ZMYND8: variants seen among roughly 807,000 people sequenced by gnomAD.
ZMYND8 encodes MYND-type zinc finger-containing chromatin reader ZMYND8.
Under a neutral mutation model 140.8 loss-of-function variants are expected in ZMYND8, and 37 were observed. That is an observed-to-expected ratio of 0.26 (90% CI 0.20 to 0.35). The LOEUF is 0.35. Ranked by LOEUF, ZMYND8 falls within the 10% of genes least tolerant of loss-of-function variation. The pLI is 1.00. For synonymous variants in ZMYND8, 592 were observed against 597.1 expected (o/e 0.99, Z 0.12); for missense variants, 1,068 against 1,570.0 (o/e 0.68, Z 5.40).
chr20:47,310,570 G>A (rs1431533628), intron 2 of ZMYND8, among the ~76,000 whole-genome samples: 1 of 151,846 alleles, frequency 6.6e-6, no homozygotes, highest in African/African-American at 2.4e-5. Context: ...GGCCAAAGTG[G>A]GCAGATCACA....
intron 3 of ZMYND8, among the ~76,000 whole-genome samples, chr20:47,303,369 A>T (rs1220597628): frequency 2.0e-5 from 3 of 152,162 alleles, no homozygotes; most frequent in Non-Finnish European, 4.4e-5. Flanking sequence ...CCGTATTTTC[A>T]GTATCTGACT....
At chr20:47,338,669 T>A (rs533320189) in intron 2 of ZMYND8, among the ~76,000 whole-genome samples, 1 of 152,158 alleles carries the variant, frequency 6.6e-6, no homozygotes, top group East Asian at 1.9e-4. Flanking sequence ...CCACCGCCAC[T>A]CACTATGGGG....
chr20:47,302,436 G>C (rs1307515684), intron 3 of ZMYND8, among the ~76,000 whole-genome samples: 1 of 152,118 alleles, frequency 6.6e-6, no homozygotes, highest in Admixed American at 6.5e-5. Flanking sequence ...CAGCCTGAGC[G>C]AAAGAGCGAG....
At chr20:47,214,444 A>C (rs912082328) in intron 21 of ZMYND8, among the ~76,000 whole-genome samples, 1 of 152,230 alleles carries the variant, frequency 6.6e-6, no homozygotes, top group East Asian at 1.9e-4. Context: ...TGGCGCTCTC[A>C]CTGTGCTGAT....
intron 17 of ZMYND8, among the ~76,000 whole-genome samples, 156 bp downstream of exon 17, chr20:47,229,570 A>G (rs975482057): frequency 1.3e-5 from 2 of 152,194 alleles, no homozygotes; most frequent in African/African-American, 4.8e-5. Context: ...GCTAAAGGAA[A>G]AAATACCCCC....
At chr20:47,223,509 A>G (rs2037282792) in intron 19 of ZMYND8, among the ~76,000 whole-genome samples, 1 of 151,180 alleles carries the variant, frequency 6.6e-6, no homozygotes, top group Non-Finnish European at 1.5e-5. Context: ...CTGTCTCAAA[A>G]TAATAATAAT....
chr20:47,249,895 C>G (rs1255421551), intron 12 of ZMYND8, among the ~76,000 whole-genome samples: 2 of 152,158 alleles, frequency 1.3e-5, no homozygotes, highest in Non-Finnish European at 2.9e-5. Flanking sequence ...CTCGAAAACA[C>G]CCTGATAATT....
chr20:47,215,655 G>A (rs952462499), intron 21 of ZMYND8, among the ~76,000 whole-genome samples: 3 of 152,048 alleles, frequency 2.0e-5, no homozygotes, highest in African/African-American at 7.2e-5. Flanking sequence ...GACTACAGGT[G>A]GGCCCTAGCT....
intron 21 of ZMYND8, among the ~76,000 whole-genome samples, chr20:47,219,351 C>T (rs752223512): frequency 5.9e-5 from 9 of 151,656 alleles, no homozygotes; most frequent in African/African-American, 1.2e-4. Flanking sequence ...CCACTGCGCC[C>T]GGCCTACCAA....
At chr20:47,212,547 C>T in intron 22 of ZMYND8, 95 bp downstream of exon 22, 2 of 1,396,114 alleles carry the variant, frequency 1.4e-6, no homozygotes, top group African/African-American at 1.4e-5. Context: ...GAAGACACAC[C>T]CACAAAGGAA....
intron 11 of ZMYND8, among the ~76,000 whole-genome samples, chr20:47,268,293 T>G (rs1273178613): frequency 7.1e-6 from 1 of 140,936 alleles, no homozygotes; most frequent in Non-Finnish European, 1.5e-5. Context: ...CCCGTCTCTT[T>G]TTTTTTTTTT....
chr20:47,223,534 T>C (rs2037287491), intron 19 of ZMYND8, among the ~76,000 whole-genome samples: 1 of 147,550 alleles, frequency 6.8e-6, no homozygotes, highest in African/African-American at 2.5e-5. Context: ...ATTCATAAAA[T>C]ATTATTGATG....
intron 21 of ZMYND8, among the ~76,000 whole-genome samples, chr20:47,213,362 AAAGT>A (rs1477333655): frequency 2.0e-5 from 3 of 152,224 alleles, no homozygotes; most frequent in African/African-American, 4.8e-5. Context: ...AAAACAATTG[AAAGT>A]AAGATCAAGA....
At chr20:47,341,141 A>C (rs2081841136) in intron 2 of ZMYND8, among the ~76,000 whole-genome samples, 1 of 151,980 alleles carries the variant, frequency 6.6e-6, no homozygotes, top group Admixed American at 6.5e-5. Context: ...GAAAAGGTCA[A>C]ACGAGAGAAT....
intron 21 of ZMYND8, among the ~76,000 whole-genome samples, chr20:47,215,190 C>T (rs567310063): frequency 1.3e-5 from 2 of 152,238 alleles, no homozygotes; most frequent in Non-Finnish European, 2.9e-5. Flanking sequence ...CTGGGCAACA[C>T]GGTGAAACCC....
intron 3 of ZMYND8, among the ~76,000 whole-genome samples, chr20:47,306,400 AG>A (rs2078487940): frequency 6.6e-6 from 1 of 152,028 alleles, no homozygotes. Flanking sequence ...CCTGGGCAGC[AG>A]AGTGAGACCC....
Position 47,238,984 on chromosome 20 carries a change from G to A in ZMYND8, c.2439C>T (p.Ala813=), listed in dbSNP as rs765241161. The part of the protein sequence containing the change: ...STVTVTAPAP[A]ATGSPVKKQR... ...GCTTTTTCACTGGGCTTCCTGTGGC[G>A]GCGGGGGCCGGGGCCGTGACGGTGA... The change falls in exon 15 of 23, where the codon GCC becomes GCT. Residue 813 remains alanine (A), a synonymous_variant. Coordinates refer to ENST00000471951, the MANE Select transcript of ZMYND8 (RefSeq NM_001281775.3). 4 of 1,610,662 alleles carry A rather than the reference G, an allele frequency of 2.5e-6. No individual in the cohort carries two copies. Among genetic ancestry groups the A allele is most frequent in the East Asian group, 2.2e-5 (1 of 44,790 alleles).
chr20:47,226,608 C>T (rs11697823), intron 18 of ZMYND8, among the ~76,000 whole-genome samples: 9 of 151,780 alleles, frequency 5.9e-5, no homozygotes, highest in African/African-American at 1.5e-4. Context: ...CTCAACACGT[C>T]GGTTTCTTCC....
At chr20:47,356,364 T>G in intron 1 of ZMYND8, 1 of 1,484,738 alleles carries the variant, frequency 6.7e-7, no homozygotes, top group Middle Eastern at 1.8e-4. Flanking sequence ...AAAAAAAAGC[T>G]TCTTTTTTGG....
Sources: gnomAD v4.1 joint callset for allele counts (sites outside exome capture counted in the v4.1 genomes callset) on GRCh38, gnomAD v4.1.1 for gene constraint, MANE v1.5 for transcripts, NCBI Gene and HGNC (gene_info 2026-07-23, HGNC 2026-07-21) for gene names.